The following GSE1 variants were observed in gnomAD, a reference collection of about 807,000 sequenced individuals.
GSE1 encodes the protein genetic suppressor element 1.
A neutral mutation model predicts 112.6 loss-of-function variants in GSE1; 32 were observed. That is an observed-to-expected ratio of 0.28 (90% confidence interval 0.21 to 0.38). The LOEUF (loss-of-function observed/expected upper bound fraction) is 0.38. GSE1 is among the 10% of genes least tolerant of loss of function. The pLI, the probability that GSE1 is intolerant of heterozygous loss-of-function variation, is 1.00. For missense variants in GSE1, 2,348 were observed against 1,699.2 expected, an observed-to-expected ratio of 1.38 and a Z score of -6.71; for synonymous variants, 1,115 against 735.6, an observed-to-expected ratio of 1.52 and a Z score of -8.35.
At chr16:85,272,739 T>TTGCTTGCTTGCTTGC (rs1567654130) in intron 1 of GSE1, among the ~76,000 whole-genome samples, 1 of 108,798 alleles carries the variant, frequency 9.2e-6, no homozygotes, top group Non-Finnish European at 1.7e-5. Flanking sequence ...TTCTTGCTTG[T>TTGCTTGCTTGCTTGC]TTGCTTGCTT....
At chr16:85,660,417 A>T (rs906014029) in intron 8 of GSE1, among the ~76,000 whole-genome samples, 20 of 152,098 alleles carry the variant, frequency 1.3e-4, no homozygotes, top group Non-Finnish European at 2.6e-4. Context: ...CAGGTGGATC[A>T]CTTGAGGTCA....
At chr16:85,202,524 G>A (rs2075047076) in intron 1 of GSE1, among the ~76,000 whole-genome samples, 2 of 152,206 alleles carry the variant, frequency 1.3e-5, no homozygotes, top group South Asian at 4.1e-4. Flanking sequence ...GGAGGGGGCC[G>A]GCTCTGGAGA....
chr16:85,621,510 G>A (rs2048742609), intron 1 of GSE1, among the ~76,000 whole-genome samples: 1 of 152,196 alleles, frequency 6.6e-6, no homozygotes, highest in Non-Finnish European at 1.5e-5. Flanking sequence ...CATCTTATAA[G>A]ACTTTATAGG....
At chr16:85,461,335 T>C (rs2049961406) in intron 2 of GSE1, among the ~76,000 whole-genome samples, 1 of 152,220 alleles carries the variant, frequency 6.6e-6, no homozygotes, top group Non-Finnish European at 1.5e-5. Flanking sequence ...CACTGGTTGC[T>C]AACTATGCCC....
chr16:85,517,288 C>G (rs1287074082), intron 2 of GSE1, among the ~76,000 whole-genome samples: 1 of 152,138 alleles, frequency 6.6e-6, no homozygotes, highest in African/African-American at 2.4e-5. Context: ...ACGCAGGGGC[C>G]TAGGTTCTAG....
chr16:85,230,105 C>T (rs1904274619), intron 1 of GSE1, among the ~76,000 whole-genome samples: 1 of 152,222 alleles, frequency 6.6e-6, no homozygotes, highest in South Asian at 2.1e-4. Flanking sequence ...ATCATGGGTT[C>T]TCCCAGGAGC....
intron 2 of GSE1, among the ~76,000 whole-genome samples, chr16:85,365,432 G>T (rs1033278011): frequency 6.6e-6 from 1 of 152,194 alleles, no homozygotes; most frequent in Non-Finnish European, 1.5e-5. Context: ...GGTTCACCTG[G>T]CTCCTCCCAG....
intron 2 of GSE1, among the ~76,000 whole-genome samples, chr16:85,470,959 G>T (rs1473670113): frequency 6.6e-6 from 1 of 152,228 alleles, no homozygotes; most frequent in African/African-American, 2.4e-5. Flanking sequence ...ATAGCGCGTT[G>T]CCATCTGGCA....
intron 2 of GSE1, among the ~76,000 whole-genome samples, chr16:85,362,051 C>T (rs1201858510): frequency 6.6e-6 from 1 of 152,166 alleles, no homozygotes; most frequent in African/African-American, 2.4e-5. Flanking sequence ...CACTTGCTGG[C>T]TGCCGGGAGT....
At chr16:85,637,619 C>T (rs1337100144) in intron 2 of GSE1, among the ~76,000 whole-genome samples, 1 of 152,270 alleles carries the variant, frequency 6.6e-6, no homozygotes, top group Non-Finnish European at 1.5e-5. Flanking sequence ...CCCTTCGCCT[C>T]TGGTGGATGA....
intron 1 of GSE1, chr16:85,594,551 A>T (rs764463082): frequency 6.6e-6 from 1 of 152,180 alleles, no homozygotes; most frequent in African/African-American, 2.4e-5. Context: ...GCACACATTC[A>T]TTCATTCAGC....
intron 2 of GSE1, among the ~76,000 whole-genome samples, chr16:85,358,300 A>T (rs1021611583): frequency 6.6e-6 from 1 of 151,904 alleles, no homozygotes; most frequent in African/African-American, 2.4e-5. Flanking sequence ...GCCAGGTCAG[A>T]TGCTTTGGCT....
At position 85,205,305 on chromosome 16, in the gene GSE1, T is replaced by C. The variant is rs191398842; in HGVS notation, c.2283+33498T>C. On this transcript the variant is annotated intron_variant, in intron 1 of 2. Coordinates refer to the GSE1 transcript ENST00000637419. ...CACCACCATGCCCAGCTAATTTTTG[T>C]ATTTTTGGTAGAGACGGGGTTTCGC... Among the ~76,000 whole-genome samples the C allele has an allele frequency of 4.9e-3, 751 of 152,212 alleles. 22 individuals are homozygous for C. Among genetic ancestry groups the C allele is most frequent in the Non-Finnish European group, 1.7e-3 (119 of 68,012 alleles).
chr16:85,637,124 G>C (rs1469284326), intron 2 of GSE1, among the ~76,000 whole-genome samples: 1 of 152,198 alleles, frequency 6.6e-6, no homozygotes, highest in Non-Finnish European at 1.5e-5. Context: ...TCTAATTCTA[G>C]AACATTTGGG....
intron 1 of GSE1, among the ~76,000 whole-genome samples, chr16:85,216,305 G>A (rs1039884776): frequency 6.6e-6 from 1 of 152,214 alleles, no homozygotes; most frequent in Non-Finnish European, 1.5e-5. Context: ...TCAGGAGGCT[G>A]ACTTGGGAGG....
At chr16:85,460,460 T>A (rs1286893248) in intron 2 of GSE1, among the ~76,000 whole-genome samples, 1 of 152,242 alleles carries the variant, frequency 6.6e-6, no homozygotes, top group Non-Finnish European at 1.5e-5. Context: ...AACCACATTA[T>A]CTTGCTAATC....
At chr16:85,216,501 AT>A (rs1274764798) in intron 1 of GSE1, among the ~76,000 whole-genome samples, 1 of 152,214 alleles carries the variant, frequency 6.6e-6, no homozygotes, top group African/African-American at 2.4e-5. Context: ...CTAATATAAT[AT>A]TTTTTAAGTA....
chr16:85,299,804 G>T (rs1045030097), intron 1 of GSE1, among the ~76,000 whole-genome samples: 1 of 151,832 alleles, frequency 6.6e-6, no homozygotes, highest in African/African-American at 2.4e-5. Flanking sequence ...GCCAAGTGTG[G>T]TGGCATACAT....
chr16:85,652,792 C>T (rs1003157062), intron 3 of GSE1, among the ~76,000 whole-genome samples: 5 of 152,158 alleles, frequency 3.3e-5, no homozygotes, highest in African/African-American at 4.8e-5. Context: ...TCTCAGAGCC[C>T]CTGGGCCATC....
Sources: allele counts gnomAD v4.1 joint callset (sites outside exome capture counted in the v4.1 genomes callset), GRCh38; gene constraint gnomAD v4.1.1; transcripts MANE v1.5; gene names NCBI Gene and HGNC (gene_info 2026-07-23, HGNC 2026-07-21).